Variants in DDX60 observed in about 807,000 individuals in gnomAD.
DDX60 encodes the protein DExD/H-box helicase 60, also known as probable ATP-dependent RNA helicase DDX60.
Under a neutral mutation model 212.8 loss-of-function variants are expected in DDX60, and 165 were observed. That is an observed-to-expected ratio of 0.78 (90% CI 0.68 to 0.88). DDX60 has a LOEUF of 0.88. Among genes scored for constraint, DDX60 ranks in the 40% least tolerant of loss-of-function variants. The pLI, the probability that DDX60 is intolerant of heterozygous loss-of-function variation, is 0.00. For missense variants in DDX60, 1,905 were observed against 2,003.9 expected, an observed-to-expected ratio of 0.95 and a Z score of 0.94; for synonymous variants, 703 against 685.3, an observed-to-expected ratio of 1.03 and a Z score of -0.40.
chr4:168,314,901 T>C, intron 1 of DDX60, among the ~76,000 whole-genome samples: 1 of 152,102 alleles, frequency 6.6e-6, no homozygotes. Flanking sequence ...GTAGAAATAA[T>C]GACAAAAGAG....
chr4:168,323,867 G>T (rs1230525774), upstream of DDX60, among the ~76,000 whole-genome samples: 2 of 152,210 alleles, frequency 1.3e-5, no homozygotes, highest in Non-Finnish European at 2.9e-5. Context: ...CAACAGTGCT[G>T]ATGCTTGGGT....
chr4:168,301,432 G>A (rs34337159), intron 6 of DDX60, among the ~76,000 whole-genome samples: 6,279 of 152,176 alleles, frequency 0.041, 268 homozygotes, highest in Admixed American at 0.097. Flanking sequence ...AAGTTAGAAA[G>A]TACAGAAAGA....
chr4:168,248,228 G>A lies in DDX60; in HGVS notation c.3923C>T (p.Ala1308Val). ...VNMPCKSVVF[A>V]QNSVYLDALN... ...CGCATCCAGATAGACTGAGTTTTGA[G>A]CAAAAACCACAGATTTACAAGGCAT... Residue 1308 changes from alanine to valine, a missense_variant, in exon 29 of 38, where the codon GCT becomes GTT. By Grantham distance (64) the Ala-to-Val change is moderately conservative. Transcript: ENST00000393743. 1 of 1,610,780 alleles carries A rather than the reference G, an allele frequency of 6.2e-7. No homozygotes were observed. The highest frequency in any genetic ancestry group is 8.5e-7 in the Non-Finnish European group (1 of 1,178,816).
chr4:168,259,659 C>G (rs1734547283), intron 25 of DDX60, among the ~76,000 whole-genome samples: 1 of 150,200 alleles, frequency 6.7e-6, no homozygotes, highest in African/African-American at 2.5e-5. Context: ...GTATTGTGTT[C>G]TAGTCCCAAA....
At chr4:168,274,878 A>G (rs1335275803) in intron 16 of DDX60, among the ~76,000 whole-genome samples, 1 of 152,194 alleles carries the variant, frequency 6.6e-6, no homozygotes, top group Non-Finnish European at 1.5e-5. Context: ...GTAGAAATGC[A>G]TCCTTTTCTT....
chr4:168,261,890 C>A, intron 24 of DDX60, 110 bp downstream of exon 24: 1 of 1,271,702 alleles, frequency 7.9e-7, no homozygotes, highest in Non-Finnish European at 1.1e-6. Flanking sequence ...ACTTAAATTT[C>A]TAAAATAAAA....
rs550004227 is a variant in DDX60, at chr4:168,253,659, A to C, written c.3558-1003T>G. On this transcript the variant is annotated intron_variant, in intron 26 of 37. Transcript: ENST00000393743. ...CAGGCTATATTCTAGCAGAAGCCAC[A>C]TTCTTGCTTTTCTTCACCTTCCCTT... Among the ~76,000 whole-genome samples, 6 of 151,428 alleles carry C rather than the reference A, an allele frequency of 4.0e-5. No individual in the cohort carries two copies. The East Asian group carries it at 7.7e-4, about 19-fold the overall frequency.
At chr4:168,288,106 G>T in intron 9 of DDX60, 68 bp downstream of exon 9, 1 of 1,041,698 alleles carries the variant, frequency 9.6e-7, no homozygotes, top group Non-Finnish European at 1.3e-6. Flanking sequence ...AAATTATTTT[G>T]TAGTTTTAAA....
At chr4:168,295,820 G>C (rs1736317162) in intron 6 of DDX60, among the ~76,000 whole-genome samples, 3 of 152,128 alleles carry the variant, frequency 2.0e-5, no homozygotes, top group Admixed American at 2.0e-4. Flanking sequence ...GAATACTATT[G>C]AGCATTTAAA....
intron 36 of DDX60, among the ~76,000 whole-genome samples, chr4:168,221,375 C>T (rs977153803): frequency 1.3e-5 from 2 of 152,234 alleles, no homozygotes; most frequent in East Asian, 1.9e-4. Flanking sequence ...TACTGGAGAG[C>T]ATGCCATTAT....
intron 30 of DDX60, among the ~76,000 whole-genome samples, chr4:168,244,990 A>T (rs1733974046): frequency 6.6e-6 from 1 of 152,202 alleles, no homozygotes; most frequent in Admixed American, 6.5e-5. Flanking sequence ...GATACAATTC[A>T]AGGATCTCTT....
chr4:168,248,550 C>T (rs1232303059), intron 28 of DDX60, among the ~76,000 whole-genome samples: 1 of 152,164 alleles, frequency 6.6e-6, no homozygotes, highest in Non-Finnish European at 1.5e-5. Context: ...ACTCAAATGT[C>T]ACAGAGGAAT....
intron 30 of DDX60, among the ~76,000 whole-genome samples, chr4:168,241,186 G>C (rs1314386251): frequency 6.6e-6 from 1 of 152,180 alleles, no homozygotes; most frequent in African/African-American, 2.4e-5. Flanking sequence ...ATGTGGAACT[G>C]TAAGTCCATT....
intron 25 of DDX60, 67 bp from the exon 26 acceptor site, chr4:168,255,936 TCTACTA>T: frequency 6.8e-7 from 1 of 1,463,612 alleles, no homozygotes; most frequent in Non-Finnish European, 9.1e-7. Flanking sequence ...CATATTTCCA[TCTACTA>T]CTATCATCCC....
At chr4:168,262,245 C>CT in intron 23 of DDX60, 117 bp from the exon 24 acceptor site, 1 of 1,101,102 alleles carries the variant, frequency 9.1e-7, no homozygotes, top group South Asian at 1.7e-5. Context: ...GATGGTTAAA[C>CT]TTTTTATCTC....
intron 7 of DDX60, among the ~76,000 whole-genome samples, chr4:168,292,937 G>C (rs2149536428): frequency 6.6e-6 from 1 of 152,146 alleles, no homozygotes; most frequent in South Asian, 2.1e-4. Flanking sequence ...TCTGATAATT[G>C]GAAAAACAAT....
chr4:168,281,902 T>C (rs558071705), intron 13 of DDX60, among the ~76,000 whole-genome samples: 20 of 152,328 alleles, frequency 1.3e-4, no homozygotes, highest in African/African-American at 4.1e-4. Flanking sequence ...GTTTCAATAG[T>C]ACAAGGGTTA....
At chr4:168,291,314 G>A (rs1168629352) in intron 8 of DDX60, among the ~76,000 whole-genome samples, 1 of 152,134 alleles carries the variant, frequency 6.6e-6, no homozygotes, top group African/African-American at 2.4e-5. Flanking sequence ...TGATTAAAAT[G>A]GTAGACCTCC....
chr4:168,301,188 T>C (rs1736633337), intron 6 of DDX60, among the ~76,000 whole-genome samples: 1 of 152,084 alleles, frequency 6.6e-6, no homozygotes, highest in Admixed American at 6.5e-5. Flanking sequence ...TTTCTCATGA[T>C]TGAAGAGAGA....
Sources: gnomAD v4.1 joint callset for allele counts (sites outside exome capture counted in the v4.1 genomes callset) on GRCh38, gnomAD v4.1.1 for gene constraint, MANE v1.5 for transcripts, NCBI Gene and HGNC (gene_info 2026-07-23, HGNC 2026-07-21) for gene names.